MAN1A2: variants seen among roughly 807,000 people sequenced by gnomAD.
The protein encoded by MAN1A2 is mannosidase alpha class 1A member 2, also known as mannosyl-oligosaccharide 1,2-alpha-mannosidase IB.
Under a neutral mutation model 75.7 loss-of-function variants are expected in MAN1A2, and 26 were observed. The ratio of observed to expected loss-of-function variants is 0.34; its 90% CI spans 0.25 to 0.48. MAN1A2 has a LOEUF of 0.48. Ranked by LOEUF, MAN1A2 falls within the 20% of genes least tolerant of loss-of-function variation. The pLI is 0.99. For missense variants in MAN1A2, 562 were observed against 775.5 expected, an observed-to-expected ratio of 0.72 and a Z score of 3.27; for synonymous variants, 247 against 264.6, an observed-to-expected ratio of 0.93 and a Z score of 0.65.
intron 8 of MAN1A2, among the ~76,000 whole-genome samples, chr1:117,474,681 A>G (rs1650262271): frequency 6.6e-6 from 1 of 151,944 alleles, no homozygotes; most frequent in African/African-American, 2.4e-5. Context: ...TATTTTTGAA[A>G]AACTGCTTTA....
intron 7 of MAN1A2, among the ~76,000 whole-genome samples, chr1:117,462,126 A>C (rs61805797): frequency 0.12 from 18,286 of 152,186 alleles, 1,159 homozygotes; most frequent in Non-Finnish European, 0.14. Flanking sequence ...TTAAAATATA[A>C]AACCCTGACA....
rs1651900369 is a variant in MAN1A2, at chr1:117,522,748, G to C, written c.1794-77G>C. ...GCTCAAAATACGTTATTGGTTTTCTGTGCCATTAAAAGTGAGCTCACTTCA... is the reference window on the plus strand; with the variant it reads ...GCTCAAAATACGTTATTGGTTTTCTCTGCCATTAAAAGTGAGCTCACTTCA... On this transcript the variant is annotated intron_variant, in intron 12 of 12. Transcript: ENST00000356554. The C allele has an allele frequency of 3.9e-6, 5 of 1,281,052 alleles. No homozygotes were observed. In the Admixed American group the frequency reaches 9.9e-5, roughly 25 times the overall value. 79.4% of individuals were successfully genotyped at this position (1,281,052 alleles called of 1,614,324 possible). A position where few individuals can be genotyped will look rare whatever the true frequency, so the allele number is the denominator to read the frequency against.
Position 117,367,951 on chromosome 1 carries a change from G to C in MAN1A2, c.-233G>C, listed in dbSNP as rs926703089. The C allele has an allele frequency of 9.7e-6, 5 of 516,042 alleles. No homozygotes were observed. Among genetic ancestry groups the C allele is most frequent in the African/African-American group, 9.6e-5 (5 of 51,990 alleles). The allele number at this position is 516,042 out of a possible 1,614,324, so 32.0% of individuals were successfully genotyped here. A position where few individuals can be genotyped will look rare whatever the true frequency, so the allele number is the denominator to read the frequency against. On this transcript the variant is annotated 5_prime_UTR_variant, in exon 1 of 13. The change abolishes the stop of an existing upstream ORF in the 5' untranslated region. Transcript: ENST00000356554. ...AATAATCCGATGAAGTACAGATGTT[G>C]AAGAGGATATCGCAGGACCTAAACT...
Position 117,477,266 on chromosome 1 carries a change from A to C in MAN1A2, c.1168+10839A>C, listed in dbSNP as rs1388614392. On this transcript the variant is annotated intron_variant, in intron 8 of 12. Coordinates refer to ENST00000356554, the MANE Select transcript of MAN1A2 (RefSeq NM_006699.5). ...AATCCAAACAGTAGAAAAAGAGGGA[A>C]ATCCTCCGTAACTTATTTTATGACA... Among the ~76,000 whole-genome samples, 4 of 152,008 alleles carry C rather than the reference A, an allele frequency of 2.6e-5. No homozygotes were observed. The East Asian group carries it at 7.8e-4, about 29-fold the overall frequency.
At chr1:117,457,864 C>T (rs1649654483) in intron 6 of MAN1A2, among the ~76,000 whole-genome samples, 1 of 152,146 alleles carries the variant, frequency 6.6e-6, no homozygotes, top group African/African-American at 2.4e-5. Context: ...TTTCTAACCT[C>T]ATCCTGTGTC....
At chr1:117,458,906 G>A (rs1241335629) in intron 6 of MAN1A2, among the ~76,000 whole-genome samples, 1 of 152,022 alleles carries the variant, frequency 6.6e-6, no homozygotes, top group African/African-American at 2.4e-5. Flanking sequence ...AATAATCCAG[G>A]AACTCTGCTG....
intron 6 of MAN1A2, among the ~76,000 whole-genome samples, chr1:117,450,678 C>T (rs1649381858): frequency 1.3e-5 from 2 of 152,196 alleles, no homozygotes; most frequent in Admixed American, 1.3e-4. Flanking sequence ...TGCCCTGTAT[C>T]CCAGCCTCTC....
chr1:117,411,071 G>T (rs1228852091), intron 3 of MAN1A2, among the ~76,000 whole-genome samples: 1 of 151,596 alleles, frequency 6.6e-6, no homozygotes, highest in African/African-American at 2.4e-5. Context: ...AAAATGACTA[G>T]GCTTTTCTGT....
chr1:117,447,218 A>G (rs1326072282), intron 6 of MAN1A2, among the ~76,000 whole-genome samples: 2 of 152,138 alleles, frequency 1.3e-5, no homozygotes, highest in African/African-American at 2.4e-5. Flanking sequence ...CAGTCTGACA[A>G]TATTGACATT....
At chr1:117,482,347 G>A (rs1650524756) in intron 8 of MAN1A2, among the ~76,000 whole-genome samples, 1 of 151,982 alleles carries the variant, frequency 6.6e-6, no homozygotes, top group Non-Finnish European at 1.5e-5. Context: ...GTGTAAAAGT[G>A]TTCCTGTTTT....
rs142442197 is a variant in MAN1A2 at position 117,451,631 on chromosome 1, A to T, written c.951-8858A>T. On this transcript the variant is annotated intron_variant, in intron 6 of 12. Transcript: ENST00000356554. ...TCATGCTATTCTTGTGATAGTGAAT[A>T]AGTCTCACGAGATCTGATGGTTTTA... Among the ~76,000 whole-genome samples, 584 of 152,294 alleles carry T rather than the reference A, an allele frequency of 3.8e-3. 7 individuals carry two copies. The highest frequency in any genetic ancestry group is 0.013 in the African/African-American group (555 of 41,554).
chr1:117,431,013 G>A lies in MAN1A2; in HGVS notation c.855+10364G>A, dbSNP rs1486866987. On this transcript the variant is annotated intron_variant, in intron 5 of 12. Transcript: ENST00000356554. ...ACTCGCGGTTAGGGGCTGGAGACCG[G>A]CCCGGCCAACACAGTGAAACCCCGT... Among the ~76,000 whole-genome samples the A allele has an allele frequency of 6.0e-3, 780 of 130,798 alleles. 4 individuals carry two copies. The highest frequency in any genetic ancestry group is 0.021 in the African/African-American group (734 of 34,464). The allele number at this position is 130,798 out of a possible 152,430, so 85.8% of individuals were successfully genotyped here.
intron 5 of MAN1A2, among the ~76,000 whole-genome samples, chr1:117,429,789 C>T (rs1166260429): frequency 3.0e-5 from 3 of 100,978 alleles, no homozygotes; most frequent in African/African-American, 7.8e-5. Flanking sequence ...CCGGACGGGG[C>T]GGCTGGCCGG....
At chr1:117,405,467 T>C in intron 2 of MAN1A2, 82 bp from the exon 3 acceptor site, 4 of 820,080 alleles carry the variant, frequency 4.9e-6, no homozygotes, top group Middle Eastern at 3.0e-4. Flanking sequence ...AAGGATATAG[T>C]AATAGAACCC....
intron 6 of MAN1A2, among the ~76,000 whole-genome samples, chr1:117,450,556 A>G (rs750705616): frequency 5.3e-5 from 8 of 152,316 alleles, no homozygotes; most frequent in East Asian, 1.9e-4. Flanking sequence ...TCTCCAGGGC[A>G]TGTCAGAGGT....
At chr1:117,394,332 T>G (rs1040932868) in intron 1 of MAN1A2, among the ~76,000 whole-genome samples, 1 of 152,154 alleles carries the variant, frequency 6.6e-6, no homozygotes, top group Non-Finnish European at 1.5e-5. Context: ...TCCGCCCGCC[T>G]CGGCCTCCCA....
chr1:117,373,036 G>A (rs560309148), intron 1 of MAN1A2, among the ~76,000 whole-genome samples: 31 of 152,248 alleles, frequency 2.0e-4, no homozygotes, highest in East Asian at 1.3e-3. Context: ...AAACCTGTGC[G>A]CTGTCCAGTA....
At chr1:117,480,826 G>T (rs1650475791) in intron 8 of MAN1A2, among the ~76,000 whole-genome samples, 1 of 151,686 alleles carries the variant, frequency 6.6e-6, no homozygotes, top group Non-Finnish European at 1.5e-5. Context: ...TGAACTTGAG[G>T]TTCAAAGAGT....
At chr1:117,521,474 G>A (rs1019729496) in intron 12 of MAN1A2, among the ~76,000 whole-genome samples, 1 of 151,770 alleles carries the variant, frequency 6.6e-6, no homozygotes, top group East Asian at 1.9e-4. Flanking sequence ...ACCACATTGC[G>A]ACACCACCTT....
Sources: allele counts gnomAD v4.1 joint callset (sites outside exome capture counted in the v4.1 genomes callset), GRCh38; gene constraint gnomAD v4.1.1; transcripts MANE v1.5; gene names NCBI Gene and HGNC (gene_info 2026-07-23, HGNC 2026-07-21).